ATAD5: variants seen among roughly 807,000 people sequenced by gnomAD.
ATAD5 encodes the protein ATPase family AAA domain-containing protein 5.
ATAD5 carries 58 observed loss-of-function variants against 176.9 expected under a neutral mutation model. The ratio of observed to expected loss-of-function variants is 0.33; its 90% confidence interval spans 0.27 to 0.41. ATAD5 has a LOEUF of 0.41. Among genes scored for constraint, ATAD5 ranks in the 10% least tolerant of loss-of-function variants. The pLI, the probability that ATAD5 is intolerant of heterozygous loss-of-function variation, is 1.00. For synonymous variants in ATAD5, 640 were observed against 712.6 expected (o/e 0.90, Z 1.62); for missense variants, 1,789 against 2,094.1 (o/e 0.85, Z 2.84).
intron 7 of ATAD5, among the ~76,000 whole-genome samples, chr17:30,855,921 C>T (rs1337556858): frequency 6.6e-6 from 1 of 151,666 alleles, no homozygotes; most frequent in African/African-American, 2.4e-5. Flanking sequence ...CCCAGCTAGT[C>T]TTTTCAGTAA....
intron 14 of ATAD5, among the ~76,000 whole-genome samples, chr17:30,871,711 T>C (rs772453431): frequency 2.6e-5 from 4 of 152,192 alleles, no homozygotes; most frequent in Non-Finnish European, 5.9e-5. Context: ...TCATTATGGA[T>C]TGTATTTTTC....
intron 17 of ATAD5, among the ~76,000 whole-genome samples, chr17:30,878,718 G>GTTTTT (rs71142005): frequency 0.055 from 3,123 of 56,790 alleles, 837 homozygotes; most frequent in Non-Finnish European, 0.066. Flanking sequence ...GTTAGGTGGT[G>GTTTTT]TTTTTTTTTT....
At chr17:30,848,191 A>G (rs80090351) in intron 6 of ATAD5, among the ~76,000 whole-genome samples, 4,060 of 152,098 alleles carry the variant, frequency 0.027, 201 homozygotes, top group African/African-American at 0.093. Flanking sequence ...CACTCCCACC[A>G]GCAATGTATA....
rs750669998 is a variant in ATAD5 at position 30,843,938 on chromosome 17, G to A, written c.2267G>A (p.Ser756Asn). The A allele has an allele frequency of 6.9e-7, 1 of 1,457,446 alleles. No individual in the cohort carries two copies. The highest frequency in any genetic ancestry group is 1.4e-5 in the African/African-American group (1 of 69,974). 90.3% of individuals were successfully genotyped at this position (1,457,446 alleles called of 1,614,324 possible). Residue 756 changes from serine (S) to asparagine (N), a missense_variant, in exon 5 of 23, where the codon AGT becomes AAT. Ser to Asn is a conservative substitution (Grantham distance 46). Around this residue, in one of 6 missense-constraint regions of ATAD5, gnomAD observed 487 missense variants for 573.6 expected, o/e 0.85. Transcript: ENST00000321990. ...GATTCTGTTATAATAATAGATTCAA[G>A]TCCTACTGCTTTAAAGCATCCAGAG... ...TEDSVIIIDS[S>N]PTALKHPEKN...
chr17:30,843,649 CA>C (rs539591584), intron 4 of ATAD5, among the ~76,000 whole-genome samples: 4,134 of 121,990 alleles, frequency 0.034, 181 homozygotes, highest in African/African-American at 0.11. Context: ...GACTCCATTT[CA>C]AAAAAAAAAA....
intron 16 of ATAD5, 72 bp from the exon 17 acceptor site, chr17:30,877,931 A>G (rs1443972662): frequency 1.8e-6 from 2 of 1,097,740 alleles, no homozygotes; most frequent in African/African-American, 1.6e-5. Flanking sequence ...TAACAGACAT[A>G]GAATATTTAC....
intron 9 of ATAD5, among the ~76,000 whole-genome samples, chr17:30,859,914 G>A (rs1170499217): frequency 6.8e-6 from 1 of 146,994 alleles, no homozygotes; most frequent in Non-Finnish European, 1.5e-5. Context: ...AGTAGAGATG[G>A]GGTTTCAACA....
intron 18 of ATAD5, among the ~76,000 whole-genome samples, chr17:30,886,291 C>G (rs1024021763): frequency 2.7e-5 from 4 of 149,216 alleles, no homozygotes; most frequent in African/African-American, 9.8e-5. Context: ...GGTTGATATT[C>G]TTTATTTTTT....
intron 19 of ATAD5, among the ~76,000 whole-genome samples, chr17:30,889,895 T>TC (rs1363589267): frequency 7.0e-6 from 1 of 142,974 alleles, no homozygotes; most frequent in East Asian, 2.0e-4. Flanking sequence ...TCTTTTTTTT[T>TC]TTTTTTTTTT....
intron 11 of ATAD5, among the ~76,000 whole-genome samples, chr17:30,867,473 T>A (rs1371089893): frequency 6.6e-6 from 1 of 152,218 alleles, no homozygotes; most frequent in Non-Finnish European, 1.5e-5. Context: ...GAGGCTGAGT[T>A]ATTTGTCCAA....
At chr17:30,868,288 T>C (rs1239588330) in intron 11 of ATAD5, 45 bp from the exon 12 acceptor site, 13 of 1,459,182 alleles carry the variant, frequency 8.9e-6, no homozygotes, top group Non-Finnish European at 1.2e-5. Flanking sequence ...GTCTAAGGCA[T>C]AGCTATATTC....
chr17:30,845,296 A>G (rs889622459), intron 6 of ATAD5, among the ~76,000 whole-genome samples: 9 of 152,314 alleles, frequency 5.9e-5, no homozygotes, highest in Non-Finnish European at 1.0e-4. Flanking sequence ...AAGATGGTCT[A>G]TGATTAAACA....
chr17:30,891,738 T>C (rs1220757178), intron 19 of ATAD5, among the ~76,000 whole-genome samples: 1 of 151,842 alleles, frequency 6.6e-6, no homozygotes, highest in African/African-American at 2.4e-5. Flanking sequence ...GAGGCTGGAG[T>C]GCAGTGGCGT....
In ATAD5 at chr17:30,869,631, A is replaced by T; in HGVS notation, c.3592A>T (p.Ile1198Leu). The change falls in exon 14 of 23, where the codon ATA becomes TTA. Residue 1198 changes from isoleucine (I) to leucine (L), a missense_variant. Ile to Leu is a conservative substitution (Grantham distance 5, BLOSUM62 2). Coordinates refer to ENST00000321990, the MANE Select transcript of ATAD5 (RefSeq NM_024857.5). The part of the protein sequence containing the change: ...QKPCFFNSYY[I>L]GKSPKKISSP... The stretch of plus-strand genomic sequence containing the variant: ...ACCCTGTTTTTTTAATAGCTACTAC[A>T]TAGGCAAGTCACCAAGTAAGTAAAC... 1 of 1,593,472 alleles carries T rather than the reference A, an allele frequency of 6.3e-7. No homozygotes were observed. The highest frequency in any genetic ancestry group is 2.2e-5 in the East Asian group (1 of 44,728).
In ATAD5 at chr17:30,835,139, A is replaced by C. The variant is rs1453959894; in HGVS notation, c.1058A>C (p.Asn353Thr). 1 of 1,614,162 alleles carries C rather than the reference A, an allele frequency of 6.2e-7. No individual in the cohort carries two copies. The highest frequency in any genetic ancestry group is 8.5e-7 in the Non-Finnish European group (1 of 1,180,012). ...FLKQKQFEME[N>T]SLSDPENEQT... Reference sequence around the variant, plus strand: ...AAACAAAAGCAATTTGAAATGGAAAATAGTTTATCTGATCCTGAGAATGAA... The same window carrying C: ...AAACAAAAGCAATTTGAAATGGAAACTAGTTTATCTGATCCTGAGAATGAA... The change falls in exon 2 of 23, where the codon AAT becomes ACT. Residue 353 changes from asparagine to threonine, a missense_variant. By Grantham distance (65) the Asn-to-Thr change is moderately conservative (BLOSUM62 0). Around this residue, in one of 6 missense-constraint regions of ATAD5, gnomAD observed 696 missense variants for 712.5 expected, o/e 0.98. Transcript: ENST00000321990.
intron 15 of ATAD5, among the ~76,000 whole-genome samples, 195 bp from the exon 16 acceptor site, chr17:30,877,221 T>C (rs1285057822): frequency 1.3e-5 from 2 of 151,196 alleles, no homozygotes; most frequent in Non-Finnish European, 2.9e-5. Flanking sequence ...TTTCGCCATG[T>C]TGGTCTCGAA....
chr17:30,858,947 G>C (rs1907455363), intron 9 of ATAD5, among the ~76,000 whole-genome samples: 1 of 152,146 alleles, frequency 6.6e-6, no homozygotes, highest in South Asian at 2.1e-4. Context: ...TGTTGCCCAG[G>C]CTGGTCTTGA....
chr17:30,862,302 C>A (rs894140836), intron 10 of ATAD5, among the ~76,000 whole-genome samples: 1 of 151,156 alleles, frequency 6.6e-6, no homozygotes, highest in Non-Finnish European at 1.5e-5. Context: ...CCACTGCACT[C>A]CAGCCCAGGA....
At chr17:30,860,971 G>C (rs1907595971) in intron 10 of ATAD5, among the ~76,000 whole-genome samples, 1 of 151,454 alleles carries the variant, frequency 6.6e-6, no homozygotes, top group African/African-American at 2.4e-5. Flanking sequence ...CCACCATCAT[G>C]CCCAGCTAAC....
Sources: allele counts gnomAD v4.1 joint callset (sites outside exome capture counted in the v4.1 genomes callset), GRCh38; gene constraint gnomAD v4.1.1; regional missense constraint gnomAD v4.1.1; transcripts MANE v1.5; gene names NCBI Gene and HGNC (gene_info 2026-07-23, HGNC 2026-07-21).